ADGRE5: variants seen among roughly 807,000 people sequenced by gnomAD.
The protein encoded by ADGRE5 is CD97 molecule.
ADGRE5 carries 72 observed loss-of-function variants against 100.3 expected under a neutral mutation model. The observed-to-expected ratio is 0.72, with a 90% CI of 0.59 to 0.87. The LOEUF (loss-of-function observed/expected upper bound fraction) is 0.87. Ranked by LOEUF, ADGRE5 falls within the 40% of genes least tolerant of loss-of-function variation. The probability of loss-of-function intolerance (pLI) is 0.00; values close to 1 mark genes in which losing one functional copy is unlikely to be tolerated. For missense variants in ADGRE5, 959 were observed against 1,094.7 expected (o/e 0.88, Z 1.75); for synonymous variants, 439 against 447.8 (o/e 0.98, Z 0.25).
chr19:14,397,974 A>G (rs1179449611), intron 8 of ADGRE5, 39 bp downstream of exon 8: 6 of 1,480,252 alleles, frequency 4.1e-6, no homozygotes, highest in Non-Finnish European at 5.6e-6. Context: ...CGGGAACTCC[A>G]TCCACACAGC....
chr19:14,401,570 C>A lies in ADGRE5; in HGVS notation c.1075+7C>A, dbSNP rs1258133172. 6.2e-7 allele frequency: 1 copy of A among 1,613,596 alleles called. No homozygotes were observed. The highest frequency in any genetic ancestry group is 8.5e-7 in the Non-Finnish European group (1 of 1,179,640). ...ATTTCCCCTTCGAACACAGGTGAGG[C>A]CTTGGCCTGGCCTGCCCTGCCCCAA... is the stretch of plus-strand genomic sequence containing the variant. On this transcript the variant is annotated splice_region_variant and intron_variant, in intron 10 of 19. Transcript: ENST00000242786. This position sits in a 1 kb window ranked among gnomAD's most constrained non-coding sequence, Gnocchi z 4.1.
chr19:14,396,532 A>G, intron 5 of ADGRE5, 59 bp downstream of exon 5: 87 of 1,606,898 alleles, frequency 5.4e-5, no homozygotes, highest in Non-Finnish European at 7.2e-5. Flanking sequence ...GAGCTGAGGC[A>G]CGTCCTCCAA....
Position 14,408,019 on chromosome 19 carries a change from T to C in ADGRE5, c.2478+10T>C. Reference sequence around the variant, plus strand: ...CCACAATCAGACCCGGGTAAGGGGCTGCGCCTGGGGCGGGTGTGGGCAGGA... The same window carrying C: ...CCACAATCAGACCCGGGTAAGGGGCCGCGCCTGGGGCGGGTGTGGGCAGGA... On this transcript the variant is annotated intron_variant, in intron 19 of 19. Transcript: ENST00000242786. 1.9e-6 allele frequency: 3 copies of C among 1,614,120 alleles called. No homozygotes were observed. Among genetic ancestry groups the C allele is most frequent in the Non-Finnish European group, 2.5e-6 (3 of 1,179,986 alleles).
chr19:14,396,285 A>T (rs1975772157), intron 4 of ADGRE5, 57 bp from the exon 5 acceptor site: 3 of 1,613,762 alleles, frequency 1.9e-6, no homozygotes, highest in Non-Finnish European at 2.5e-6. Context: ...GCGGACCCTC[A>T]GCCCTGAAAG....
At position 14,397,155 on chromosome 19, in the gene ADGRE5, G is replaced by T; in HGVS notation, c.557G>T (p.Cys186Phe). 6.2e-7 allele frequency: 1 copy of T among 1,614,110 alleles called. No homozygotes were observed. Among genetic ancestry groups the T allele is most frequent in the Non-Finnish European group, 8.5e-7 (1 of 1,180,014 alleles). ...HCLNNVGSYQCRCRPGWQPIP... is the reference protein window; with the variant it reads ...HCLNNVGSYQFRCRPGWQPIP... ...CTCAACAACGTGGGCAGCTATCAGT[G>T]CCGCTGCCGCCCGGGCTGGCAACCG... The change falls in exon 6 of 20, where the codon TGC becomes TTC. Residue 186 changes from cysteine (C) to phenylalanine (F), a missense_variant. Coordinates refer to ENST00000242786, the MANE Select transcript of ADGRE5 (RefSeq NM_078481.4).
At chr19:14,400,277 C>T (rs1975957971) in intron 9 of ADGRE5, among the ~76,000 whole-genome samples, 1 of 151,838 alleles carries the variant, frequency 6.6e-6, no homozygotes, top group Non-Finnish European at 1.5e-5. Flanking sequence ...ACCTTGGCCT[C>T]CCAAAGTGCT....
rs1340217987 is a variant in ADGRE5 at position 14,408,162 on chromosome 19, C to T, written c.*41C>T. 1.9e-6 allele frequency: 3 copies of T among 1,608,262 alleles called. No individual in the cohort carries two copies. Among genetic ancestry groups the T allele is most frequent in the Admixed American group, 1.7e-5 (1 of 59,786 alleles). On this transcript the variant is annotated 3_prime_UTR_variant, in exon 20 of 20. Transcript: ENST00000242786. ...GACGGCCCAGCAGCTCCTGTGGCCA[C>T]AGCAGCTTTGTACACGAAGACCATC...
chr19:14,381,536 G>A lies in ADGRE5; in HGVS notation c.13G>A (p.Val5Ile), dbSNP rs1277780703. The A allele has an allele frequency of 9.9e-6, 16 of 1,609,472 alleles. No homozygotes were observed. The highest frequency in any genetic ancestry group is 1.3e-5 in the African/African-American group (1 of 74,238). Reference sequence around the variant, plus strand: ...GGCAGCTCCAACCATGGGAGGCCGCGTCTTTCTCGGTAAGTACTTTGGGGC... The same window carrying A: ...GGCAGCTCCAACCATGGGAGGCCGCATCTTTCTCGGTAAGTACTTTGGGGC... MGGR[V>I]FLAFCVWLTL... Residue 5 changes from valine (V) to isoleucine (I), a missense_variant, in exon 1 of 20, where the codon GTC becomes ATC. Physicochemically the swap from Val to Ile is conservative, Grantham distance 29. Around this residue, in one of 6 missense-constraint regions of ADGRE5, gnomAD observed 114 missense variants for 195.7 expected, o/e 0.58. Coordinates refer to ENST00000242786, the MANE Select transcript of ADGRE5 (RefSeq NM_078481.4).
rs1975992780 is a variant in ADGRE5, at chr19:14,401,162, C to T, written c.898-224C>T. 6.6e-6 allele frequency among the ~76,000 whole-genome samples: 1 copy of T among 152,044 alleles called. No individual in the cohort carries two copies. Among genetic ancestry groups the T allele is most frequent in the African/African-American group, 2.4e-5 (1 of 41,320 alleles). ...AAAGAACAGGAAATCAAAACAGAGCCTGGCAGGCAGCCCGTGCCCAACCAG... is the reference window on the plus strand; with the variant it reads ...AAAGAACAGGAAATCAAAACAGAGCTTGGCAGGCAGCCCGTGCCCAACCAG... On this transcript the variant is annotated intron_variant, in intron 9 of 19. Transcript: ENST00000242786. This position sits in a 1 kb window ranked among gnomAD's most constrained non-coding sequence, Gnocchi z 4.1.
At chr19:14,385,979 C>T (rs141858701) in intron 1 of ADGRE5, among the ~76,000 whole-genome samples, 1 of 151,736 alleles carries the variant, frequency 6.6e-6, no homozygotes, top group African/African-American at 2.4e-5. Flanking sequence ...CCATATTAGG[C>T]AGGCTGGTCT....
chr19:14,387,812 C>T (rs953684123), intron 1 of ADGRE5, among the ~76,000 whole-genome samples: 6 of 150,588 alleles, frequency 4.0e-5, no homozygotes, highest in South Asian at 2.1e-4. Context: ...ATGTGGCTCA[C>T]GCCTGTAATC....
chr19:14,402,825 C>A lies in ADGRE5; in HGVS notation c.1412C>A (p.Ser471Tyr). 1 of 1,614,034 alleles carries A rather than the reference C, an allele frequency of 6.2e-7. No individual in the cohort carries two copies. Among genetic ancestry groups the A allele is most frequent in the South Asian group, 1.1e-5 (1 of 91,074 alleles). The part of the protein sequence containing the change: ...PILFAFSHLE[S>Y]SDGEAGRDPP... ...CTTTTCGCCTTCTCCCACCTTGAGT[C>A]CTCCGATGGGGAGGCGGGAAGAGAC... The change falls in exon 12 of 20, where the codon TCC becomes TAC. Residue 471 changes from serine (S) to tyrosine (Y), a missense_variant. By Grantham distance (144) the Ser-to-Tyr change is moderately radical. This residue lies in a region of ADGRE5 where 246 missense variants were observed against 242.2 expected (regional missense o/e 1.02). Coordinates refer to ENST00000242786, the MANE Select transcript of ADGRE5 (RefSeq NM_078481.4).
At position 14,406,751 on chromosome 19, in the gene ADGRE5, G is replaced by T. The variant is rs1976258907; in HGVS notation, c.2100G>T (p.Val700=). The change falls in exon 16 of 20, where the codon GTG becomes GTT. Residue 700 remains valine (V), a synonymous_variant. Coordinates refer to ENST00000242786, the MANE Select transcript of ADGRE5 (RefSeq NM_078481.4). The surrounding 1 kb of genome is among the most constrained non-coding windows in gnomAD (Gnocchi z 6.0). ...QGFLWSFLGP[V]TFIILCNAVI... ...TCCTCTGGAGCTTCTTGGGACCTGTGACCTTCATCATTTTGGTAAGTACCC... is the reference window on the plus strand; with the variant it reads ...TCCTCTGGAGCTTCTTGGGACCTGTTACCTTCATCATTTTGGTAAGTACCC... The T allele has an allele frequency of 6.2e-7, 1 of 1,614,004 alleles. No homozygotes were observed. Among genetic ancestry groups the T allele is most frequent in the Non-Finnish European group, 8.5e-7 (1 of 1,180,012 alleles).
chr19:14,408,492 G>T lies in ADGRE5; in HGVS notation c.*371G>T. 1 of 491,064 alleles carries T rather than the reference G, an allele frequency of 2.0e-6. No individual in the cohort carries two copies. Among genetic ancestry groups the T allele is most frequent in the African/African-American group, 1.9e-5 (1 of 52,348 alleles). 30.4% of individuals were successfully genotyped at this position (491,064 alleles called of 1,614,324 possible). A position where few individuals can be genotyped will look rare whatever the true frequency, so the allele number is the denominator to read the frequency against. The stretch of plus-strand genomic sequence containing the variant: ...CCTCTCATGTCTTTGCTGCAGAACT[G>T]AAGAGACTAGGCGCTGGGGCTCAGC... On this transcript the variant is annotated 3_prime_UTR_variant, in exon 20 of 20. Transcript: ENST00000242786.
At position 14,408,136 on chromosome 19, in the gene ADGRE5, G is replaced by A; in HGVS notation, c.*15G>A. 1 of 1,612,352 alleles carries A rather than the reference G, an allele frequency of 6.2e-7. No homozygotes were observed. Among genetic ancestry groups the A allele is most frequent in the East Asian group, 2.2e-5 (1 of 44,874 alleles). ...CCGGCATATGAAGGCGCATGGTTCTGGACGGCCCAGCAGCTCCTGTGGCCA... is the reference window on the plus strand; with the variant it reads ...CCGGCATATGAAGGCGCATGGTTCTAGACGGCCCAGCAGCTCCTGTGGCCA... On this transcript the variant is annotated 3_prime_UTR_variant, in exon 20 of 20. Transcript: ENST00000242786.
rs183002823 is a variant in ADGRE5 at position 14,398,392 on chromosome 19, G to A, written c.897+253G>A. The A allele has an allele frequency of 3.5e-3, 1,683 of 479,668 alleles. 8 individuals carry two copies. Among genetic ancestry groups the A allele is most frequent in the Admixed American group, 4.8e-3 (140 of 28,886 alleles). 29.7% of individuals were successfully genotyped at this position (479,668 alleles called of 1,614,324 possible). ...CACTTAAGAACCTGGAGTTGAGGCCGGGCACGGTGGCTCACGCCTGTAATC... is the reference window on the plus strand; with the variant it reads ...CACTTAAGAACCTGGAGTTGAGGCCAGGCACGGTGGCTCACGCCTGTAATC... On this transcript the variant is annotated intron_variant, in intron 9 of 19. Transcript: ENST00000242786.
At chr19:14,385,187 T>C (rs572998741) in intron 1 of ADGRE5, among the ~76,000 whole-genome samples, 4 of 151,638 alleles carry the variant, frequency 2.6e-5, no homozygotes, top group Admixed American at 6.6e-5. Flanking sequence ...ATTTTTTGTA[T>C]TTTTAGTAGA....
At chr19:14,397,593 A>T in intron 6 of ADGRE5, 65 bp from the exon 7 acceptor site, 6 of 1,607,758 alleles carry the variant, frequency 3.7e-6, no homozygotes, top group Non-Finnish European at 5.1e-6. Context: ...AGCTGGGGGC[A>T]CAGACAGGAG....
At chr19:14,383,043 A>T (rs893276714) in intron 1 of ADGRE5, among the ~76,000 whole-genome samples, 20 of 151,930 alleles carry the variant, frequency 1.3e-4, no homozygotes, top group Middle Eastern at 3.4e-3. Flanking sequence ...GCCAAAAAAA[A>T]TTTTTTTTAA....
Sources: allele counts gnomAD v4.1 joint callset (sites outside exome capture counted in the v4.1 genomes callset), GRCh38; gene constraint gnomAD v4.1.1; regional missense constraint gnomAD v4.1.1; non-coding constraint Gnocchi (gnomAD v3.1); transcripts MANE v1.5; gene names NCBI Gene and HGNC (gene_info 2026-07-23, HGNC 2026-07-21).